SMOC2: variants seen among roughly 807,000 people sequenced by gnomAD.
The protein encoded by SMOC2 is SPARC related modular calcium binding 2.
SMOC2 carries 39 observed loss-of-function variants against 61.4 expected under a neutral mutation model. That is an observed-to-expected ratio of 0.64 (90% confidence interval 0.49 to 0.83). SMOC2 has a LOEUF of 0.83. SMOC2 is among the 40% of genes least tolerant of loss of function. The probability of loss-of-function intolerance (pLI) is 0.00; values close to 1 mark genes in which losing one functional copy is unlikely to be tolerated. For missense variants in SMOC2, 556 were observed against 592.9 expected (o/e 0.94, Z 0.65); for synonymous variants, 247 against 239.9 (o/e 1.03, Z -0.27).
chr6:168,486,006 A>G lies in SMOC2; in HGVS notation c.85-23909A>G, dbSNP rs115919127. ...ATGGTGAGAAATAGGGGCAAGGGTT[A>G]TGCAATTCCTTCCTCTGCTGCTTCT... On this transcript the variant is annotated intron_variant, in intron 1 of 12. Transcript: ENST00000356284. 2.3e-3 allele frequency among the ~76,000 whole-genome samples: 354 copies of G among 152,330 alleles called. 1 individual carries two copies. Among genetic ancestry groups the G allele is most frequent in the African/African-American group, 8.2e-3 (341 of 41,576 alleles).
rs528399754 is a variant in SMOC2, at chr6:168,496,559, C to T, written c.85-13356C>T. On this transcript the variant is annotated intron_variant, in intron 1 of 12. Coordinates refer to ENST00000356284, the MANE Select transcript of SMOC2 (RefSeq NM_001166412.2). ...TGGTGGAGTTGCAGACGGGACCAAT[C>T]GCCTGTCGCCCCAGCCCTCGAGTTC... 3.9e-5 allele frequency among the ~76,000 whole-genome samples: 6 copies of T among 152,344 alleles called. No individual in the cohort carries two copies. The South Asian group carries it at 8.3e-4, about 21-fold the overall frequency.
chr6:168,451,319 G>A (rs574501424), intron 1 of SMOC2, among the ~76,000 whole-genome samples: 87 of 152,332 alleles, frequency 5.7e-4, no homozygotes, highest in African/African-American at 2.1e-3. Flanking sequence ...GTTGTCCCAT[G>A]AGCTCTGAAT....
intron 7 of SMOC2, among the ~76,000 whole-genome samples, chr6:168,558,880 C>CGT (rs1784318098): frequency 1.7e-5 from 2 of 116,642 alleles, no homozygotes; most frequent in South Asian, 5.6e-4. Flanking sequence ...CATGTGTGTG[C>CGT]GTGTGTGCGT....
At chr6:168,623,663 A>G (rs1786307478) in intron 9 of SMOC2, among the ~76,000 whole-genome samples, 1 of 143,110 alleles carries the variant, frequency 7.0e-6, no homozygotes, top group Non-Finnish European at 1.5e-5. Context: ...TTTTTAATGA[A>G]TCTGGGTGCA....
At chr6:168,588,726 C>T (rs1277854403) in intron 7 of SMOC2, among the ~76,000 whole-genome samples, 2 of 152,158 alleles carry the variant, frequency 1.3e-5, no homozygotes, top group African/African-American at 4.8e-5. Flanking sequence ...TGCAACCTGC[C>T]ATATTTTTGG....
Position 168,667,293 on chromosome 6 carries a change from T to C in SMOC2, c.*855T>C, listed in dbSNP as rs901465866. 9.9e-5 allele frequency: 15 copies of C among 152,218 alleles called. No individual in the cohort carries two copies. The highest frequency in any genetic ancestry group is 2.1e-4 in the Non-Finnish European group (14 of 68,070). 9.4% of individuals were successfully genotyped at this position (152,218 alleles called of 1,614,324 possible). On this transcript the variant is annotated 3_prime_UTR_variant, in exon 13 of 13. Transcript: ENST00000356284. ...GTTTTCCTCCTACACGTGGACATTA[T>C]TCTCCTGATCCTCCTACCTGGTCCA...
chr6:168,577,584 A>G (rs1397456185), intron 7 of SMOC2, among the ~76,000 whole-genome samples: 1 of 152,200 alleles, frequency 6.6e-6, no homozygotes, highest in East Asian at 1.9e-4. Context: ...AGCCTTGCTA[A>G]GATCGCCAGT....
intron 1 of SMOC2, among the ~76,000 whole-genome samples, chr6:168,464,185 T>C (rs1342499179): frequency 5.6e-5 from 1 of 17,830 alleles, no homozygotes; most frequent in East Asian, 1.6e-3. Context: ...AGCAAGACTG[T>C]CAAAAAAAAA....
chr6:168,589,259 A>G (rs1884474), intron 7 of SMOC2, among the ~76,000 whole-genome samples: 32,311 of 152,208 alleles, frequency 0.21, 3,812 homozygotes, highest in South Asian at 0.28. Flanking sequence ...AGAACTCTTA[A>G]GGTGTTGGCT....
At chr6:168,658,130 TG>T (rs1458375051) in intron 11 of SMOC2, among the ~76,000 whole-genome samples, 5 of 152,146 alleles carry the variant, frequency 3.3e-5, no homozygotes, top group Non-Finnish European at 5.9e-5. Flanking sequence ...CTGCCAGATC[TG>T]CAGCTGGGGC....
chr6:168,613,220 G>T (rs150911260), intron 9 of SMOC2, among the ~76,000 whole-genome samples: 1 of 152,142 alleles, frequency 6.6e-6, no homozygotes, highest in Non-Finnish European at 1.5e-5. Flanking sequence ...CAGGAGCTGG[G>T]CCCTGGGGGT....
At chr6:168,501,321 CAG>C (rs1408780450) in intron 1 of SMOC2, among the ~76,000 whole-genome samples, 1 of 152,068 alleles carries the variant, frequency 6.6e-6, no homozygotes, top group Non-Finnish European at 1.5e-5. Context: ...GATGTGGAGA[CAG>C]GGAAGGAAAA....
chr6:168,615,897 G>C (rs78664750), intron 9 of SMOC2, among the ~76,000 whole-genome samples: 37,175 of 146,986 alleles, frequency 0.25, 5,254 homozygotes, highest in Non-Finnish European at 0.27. Context: ...CTAATTTTTT[G>C]AAGATTAGTT....
intron 8 of SMOC2, among the ~76,000 whole-genome samples, chr6:168,599,984 C>G (rs1363328012): frequency 6.6e-6 from 1 of 151,958 alleles, no homozygotes; most frequent in Non-Finnish European, 1.5e-5. Flanking sequence ...TCCCCACACA[C>G]ACACTCACAC....
intron 1 of SMOC2, among the ~76,000 whole-genome samples, chr6:168,493,733 G>A (rs562014915): frequency 4.6e-5 from 7 of 152,068 alleles, no homozygotes; most frequent in Admixed American, 2.0e-4. Context: ...TTGACATTGC[G>A]GACATGATTT....
At chr6:168,467,597 C>T (rs142502641) in intron 1 of SMOC2, among the ~76,000 whole-genome samples, 5 of 152,182 alleles carry the variant, frequency 3.3e-5, no homozygotes, top group African/African-American at 7.2e-5. Flanking sequence ...CATGAGCCAC[C>T]GCTTCTGGCC....
intron 7 of SMOC2, among the ~76,000 whole-genome samples, chr6:168,549,858 A>G (rs1229601337): frequency 1.3e-5 from 2 of 152,240 alleles, no homozygotes; most frequent in Non-Finnish European, 2.9e-5. Context: ...TAATAAGTAA[A>G]TAATTATAAA....
At chr6:168,563,673 G>A (rs1380089322) in intron 7 of SMOC2, among the ~76,000 whole-genome samples, 1 of 152,134 alleles carries the variant, frequency 6.6e-6, no homozygotes, top group Non-Finnish European at 1.5e-5. Context: ...TGCCCCTCCT[G>A]CCACATGAGC....
intron 7 of SMOC2, among the ~76,000 whole-genome samples, chr6:168,590,521 G>A (rs967289019): frequency 6.6e-6 from 1 of 152,164 alleles, no homozygotes; most frequent in Non-Finnish European, 1.5e-5. Context: ...AGCTTCGCGG[G>A]ACCATGTGCC....
Sources: gnomAD v4.1 joint callset for allele counts (sites outside exome capture counted in the v4.1 genomes callset) on GRCh38, gnomAD v4.1.1 for gene constraint, MANE v1.5 for transcripts, NCBI Gene and HGNC (gene_info 2026-07-23, HGNC 2026-07-21) for gene names.